RYR2: variants seen among roughly 807,000 people sequenced by gnomAD.
RYR2 encodes the protein cardiac muscle ryanodine receptor-calcium release channel.
In RYR2, 227 loss-of-function variants were observed where a neutral mutation model predicts 601.1. The observed-to-expected ratio is 0.38, with a 90% confidence interval of 0.34 to 0.42. RYR2 has a LOEUF of 0.42. Among genes scored for constraint, RYR2 ranks in the 10% least tolerant of loss-of-function variants. The pLI, the probability that RYR2 is intolerant of heterozygous loss-of-function variation, is 1.00. For synonymous variants in RYR2, 2,223 were observed against 2,175.1 expected, an observed-to-expected ratio of 1.02 and a Z score of -0.61; for missense variants, 4,646 against 6,156.5, an observed-to-expected ratio of 0.75 and a Z score of 8.21.
chr1:237,052,085 A>G (rs1661350029), intron 1 of RYR2, among the ~76,000 whole-genome samples: 1 of 152,186 alleles, frequency 6.6e-6, no homozygotes, highest in South Asian at 2.1e-4. Flanking sequence ...GGGTAATTAT[A>G]TGCAGTTTAC....
At chr1:237,642,805 T>G (rs927650117) in intron 47 of RYR2, among the ~76,000 whole-genome samples, 2 of 152,228 alleles carry the variant, frequency 1.3e-5, no homozygotes, top group African/African-American at 4.8e-5. Context: ...GGATTTATGT[T>G]CGTCATTTCC....
chr1:237,383,119 G>A (rs1368051088), intron 8 of RYR2, among the ~76,000 whole-genome samples: 2 of 152,042 alleles, frequency 1.3e-5, no homozygotes, highest in African/African-American at 2.4e-5. Flanking sequence ...CGAAGTTTTT[G>A]TACCATGGAC....
At chr1:237,747,582 G>A (rs1029586706) in intron 80 of RYR2, among the ~76,000 whole-genome samples, 5 of 152,062 alleles carry the variant, frequency 3.3e-5, no homozygotes, top group East Asian at 1.9e-4. Context: ...TGTCTGACCC[G>A]CCCATGAATC....
At chr1:237,578,893 G>C (rs2779421) in intron 29 of RYR2, among the ~76,000 whole-genome samples, 137,655 of 152,144 alleles carry the variant, frequency 0.9, 63,820 homozygotes, top group East Asian at 1. Flanking sequence ...GCTTAAGATG[G>C]TCCTGGCCAC....
intron 74 of RYR2, 129 bp downstream of exon 74, chr1:237,723,391 T>G (rs1689914996): frequency 1.6e-6 from 1 of 620,078 alleles, no homozygotes; most frequent in Non-Finnish European, 2.7e-6. Flanking sequence ...TTCTAAAGAA[T>G]AAGAGTCCGG....
intron 13 of RYR2, among the ~76,000 whole-genome samples, chr1:237,444,937 C>G (rs951287132): frequency 2.6e-5 from 4 of 152,166 alleles, no homozygotes; most frequent in Non-Finnish European, 4.4e-5. Flanking sequence ...GCAACGTTAG[C>G]TTTGCTGCTT....
intron 12 of RYR2, among the ~76,000 whole-genome samples, chr1:237,437,389 A>G (rs1372941363): frequency 3.3e-5 from 5 of 152,142 alleles, no homozygotes; most frequent in Non-Finnish European, 5.9e-5. Context: ...TGAAAATTAG[A>G]TGTTCCAAGC....
In RYR2 at chr1:237,550,727, A is replaced by G. The variant is rs555585021; in HGVS notation, c.3214+36A>G. On this transcript the variant is annotated intron_variant, in intron 27 of 104. Transcript: ENST00000366574. The stretch of plus-strand genomic sequence containing the variant: ...TTTACTTTCCTCTTCTTCGGTTGCA[A>G]GATGATGTAGTAGTTCTTTAAAGCC... The G allele has an allele frequency of 2.6e-6, 4 of 1,530,644 alleles. No homozygotes were observed. In the East Asian group the frequency reaches 7.4e-5, roughly 28 times the overall value. The allele number at this position is 1,530,644 out of a possible 1,614,324, so 94.8% of individuals were successfully genotyped here.
chr1:237,463,060 G>A (rs1263335061), intron 16 of RYR2, among the ~76,000 whole-genome samples: 1 of 152,130 alleles, frequency 6.6e-6, no homozygotes, highest in Non-Finnish European at 1.5e-5. Context: ...AGTACATTCT[G>A]AAGTGTTTTG....
At chr1:237,557,219 C>A (rs1057437280) in intron 27 of RYR2, among the ~76,000 whole-genome samples, 1 of 152,148 alleles carries the variant, frequency 6.6e-6, no homozygotes, top group African/African-American at 2.4e-5. Flanking sequence ...AGCTGACTTC[C>A]CCCAGAATGA....
intron 93 of RYR2, 183 bp downstream of exon 93, chr1:237,791,698 G>C: frequency 1.7e-6 from 1 of 580,614 alleles, no homozygotes; most frequent in South Asian, 2.3e-5. Flanking sequence ...TTCCTGAGAA[G>C]TGAGAAATGC....
At chr1:237,595,440 C>T (rs1248322037) in intron 33 of RYR2, 58 bp from the exon 34 acceptor site, 7 of 1,585,236 alleles carry the variant, frequency 4.4e-6, no homozygotes, top group Non-Finnish European at 6.0e-6. Flanking sequence ...GCAAGATATA[C>T]CTGCTTTCTC....
intron 1 of RYR2, among the ~76,000 whole-genome samples, chr1:237,187,784 A>G (rs1398980223): frequency 6.6e-6 from 1 of 152,150 alleles, no homozygotes; most frequent in Non-Finnish European, 1.5e-5. Flanking sequence ...CTGGACAGAA[A>G]GCAGATGGCA....
intron 1 of RYR2, among the ~76,000 whole-genome samples, chr1:237,176,160 A>G (rs1678018938): frequency 6.6e-6 from 1 of 151,672 alleles, no homozygotes; most frequent in South Asian, 2.1e-4. Context: ...TCCAGGAGTT[A>G]GAGGCTACGG....
intron 3 of RYR2, among the ~76,000 whole-genome samples, chr1:237,333,898 C>T (rs1170069927): frequency 6.6e-6 from 1 of 152,158 alleles, no homozygotes; most frequent in Admixed American, 6.5e-5. Flanking sequence ...TTCAGATGAA[C>T]AGTGAGTCAA....
intron 48 of RYR2, among the ~76,000 whole-genome samples, chr1:237,648,080 C>G (rs1359307511): frequency 6.6e-6 from 1 of 152,152 alleles, no homozygotes; most frequent in African/African-American, 2.4e-5. Context: ...TTAAAACAGG[C>G]TCACTTAGAA....
chr1:237,238,323 C>A (rs1572316674), intron 1 of RYR2, among the ~76,000 whole-genome samples: 2 of 152,062 alleles, frequency 1.3e-5, no homozygotes, highest in Non-Finnish European at 2.9e-5. Flanking sequence ...CCTGGAAGTC[C>A]CCCTCCCCCA....
chr1:237,462,185 G>C (rs1842082), intron 16 of RYR2, among the ~76,000 whole-genome samples: 75,265 of 151,944 alleles, frequency 0.5, 19,659 homozygotes, highest in East Asian at 0.74. Context: ...CCCGTTATTC[G>C]AAATAGGTAG....
At chr1:237,651,735 A>G (rs1411824730) in intron 51 of RYR2, among the ~76,000 whole-genome samples, 2 of 152,170 alleles carry the variant, frequency 1.3e-5, no homozygotes, top group Non-Finnish European at 2.9e-5. Context: ...AATAGAAATC[A>G]ATTGAAAAAA....
Sources: gnomAD v4.1 joint callset for allele counts (sites outside exome capture counted in the v4.1 genomes callset) on GRCh38, gnomAD v4.1.1 for gene constraint, MANE v1.5 for transcripts, NCBI Gene and HGNC (gene_info 2026-07-23, HGNC 2026-07-21) for gene names.